SLC4A10: variants seen among roughly 807,000 people sequenced by gnomAD.
The protein encoded by SLC4A10 is sodium-driven chloride bicarbonate exchanger.
A neutral mutation model predicts 137.7 loss-of-function variants in SLC4A10; 42 were observed. The ratio of observed to expected loss-of-function variants is 0.30; its 90% CI spans 0.24 to 0.39. The LOEUF is 0.39. SLC4A10 is among the 10% of genes least tolerant of loss of function. The pLI, the probability that SLC4A10 is intolerant of heterozygous loss-of-function variation, is 1.00. For synonymous variants in SLC4A10, 474 were observed against 464.1 expected, an observed-to-expected ratio of 1.02 and a Z score of -0.27; for missense variants, 925 against 1,355.0, an observed-to-expected ratio of 0.68 and a Z score of 4.98.
chr2:161,911,711 C>G (rs1685898157), intron 15 of SLC4A10, among the ~76,000 whole-genome samples: 1 of 152,086 alleles, frequency 6.6e-6, no homozygotes, highest in Non-Finnish European at 1.5e-5. Context: ...TATGTACCTA[C>G]TGTACCTAGC....
At chr2:161,760,414 T>G (rs914714285) in intron 1 of SLC4A10, among the ~76,000 whole-genome samples, 2 of 152,054 alleles carry the variant, frequency 1.3e-5, no homozygotes, top group Non-Finnish European at 2.9e-5. Flanking sequence ...TTCTACTTTT[T>G]TACATCAGGA....
At chr2:161,879,655 A>T (rs1379096452) in intron 9 of SLC4A10, among the ~76,000 whole-genome samples, 1 of 150,954 alleles carries the variant, frequency 6.6e-6, no homozygotes, top group Non-Finnish European at 1.5e-5. Context: ...GATCCTGTGC[A>T]TGAGTGCGGT....
intron 3 of SLC4A10, among the ~76,000 whole-genome samples, chr2:161,829,540 T>C (rs1241610907): frequency 6.6e-6 from 1 of 152,226 alleles, no homozygotes; most frequent in African/African-American, 2.4e-5. Context: ...TGGATTCTCA[T>C]GAATCTCAAT....
In SLC4A10 at chr2:161,788,236, A is replaced by C. The variant is rs182200725; in HGVS notation, c.131-16213A>C. On this transcript the variant is annotated intron_variant, in intron 2 of 26. Transcript: ENST00000446997. ...TTCTCAAATGCTGCTTGTTGTAGAC[A>C]TGTATTGGGCATATGAGCCAACACA... Among the ~76,000 whole-genome samples, 6 of 151,470 alleles carry C rather than the reference A, an allele frequency of 4.0e-5. No homozygotes were observed. In the East Asian group the frequency reaches 1.2e-3, roughly 30 times the overall value.
rs1694052127 is a variant in SLC4A10 at position 161,947,550 on chromosome 2, T to C, written c.2104-16T>C. 1 of 1,605,892 alleles carries C rather than the reference T, an allele frequency of 6.2e-7. No individual in the cohort carries two copies. Among genetic ancestry groups the C allele is most frequent in the Admixed American group, 1.7e-5 (1 of 58,496 alleles). Reference sequence around the variant, plus strand: ...TTTTTTCTTAGTAGCTCCATTTGTTTTACTTCCTCTGGCAGGAATGCAAAT... The same window carrying C: ...TTTTTTCTTAGTAGCTCCATTTGTTCTACTTCCTCTGGCAGGAATGCAAAT... On this transcript the variant is annotated splice_polypyrimidine_tract_variant and intron_variant, in intron 16 of 26. Coordinates refer to ENST00000446997, the MANE Select transcript of SLC4A10 (RefSeq NM_001178015.2).
chr2:161,891,164 A>G (rs960468989), intron 10 of SLC4A10, among the ~76,000 whole-genome samples: 9 of 152,082 alleles, frequency 5.9e-5, no homozygotes, highest in African/African-American at 2.2e-4. Flanking sequence ...AGAGAGATCC[A>G]CTGTTAGTCT....
intron 2 of SLC4A10, among the ~76,000 whole-genome samples, chr2:161,790,528 G>A (rs1021988334): frequency 2.0e-5 from 3 of 152,128 alleles, no homozygotes; most frequent in African/African-American, 7.2e-5. Flanking sequence ...AATAACCAGT[G>A]GAGTTAATTA....
chr2:161,907,143 A>G (rs1417421871), intron 15 of SLC4A10, among the ~76,000 whole-genome samples: 1 of 151,638 alleles, frequency 6.6e-6, no homozygotes, highest in Non-Finnish European at 1.5e-5. Context: ...CTTTTATATT[A>G]TATTTAGAGA....
intron 3 of SLC4A10, among the ~76,000 whole-genome samples, chr2:161,837,227 T>A (rs1429410378): frequency 6.6e-6 from 1 of 152,024 alleles, no homozygotes; most frequent in African/African-American, 2.4e-5. Flanking sequence ...TACAAAAAAA[T>A]TAGAAATAAT....
chr2:161,652,935 G>A (rs2037010203), intron 1 of SLC4A10, among the ~76,000 whole-genome samples: 1 of 151,922 alleles, frequency 6.6e-6, no homozygotes, highest in African/African-American at 2.4e-5. Context: ...ACGTGCCATG[G>A]TGGTTTGCTG....
At chr2:161,778,810 T>C (rs184611140) in intron 2 of SLC4A10, among the ~76,000 whole-genome samples, 260 of 152,102 alleles carry the variant, frequency 1.7e-3, no homozygotes, top group Non-Finnish European at 3.4e-3. Context: ...ATTAAAATCT[T>C]TTAAGTCAAA....
At chr2:161,657,456 A>G (rs1294026146) in intron 1 of SLC4A10, among the ~76,000 whole-genome samples, 3 of 152,062 alleles carry the variant, frequency 2.0e-5, no homozygotes, top group Admixed American at 6.5e-5. Flanking sequence ...TTAGTTGAGT[A>G]AAGTTATTAT....
At chr2:161,722,960 C>A (rs770892602) in intron 1 of SLC4A10, among the ~76,000 whole-genome samples, 1 of 152,160 alleles carries the variant, frequency 6.6e-6, no homozygotes, top group South Asian at 2.1e-4. Context: ...CACAATCTGC[C>A]GCAGCTGCTG....
Position 161,839,772 on chromosome 2 carries a change from TG to T in SLC4A10, c.278-16del. 3.7e-6 allele frequency: 6 copies of T among 1,613,250 alleles called. No individual in the cohort carries two copies. The highest frequency in any genetic ancestry group is 5.1e-6 in the Non-Finnish European group (6 of 1,179,430). On this transcript the variant is annotated splice_polypyrimidine_tract_variant and intron_variant, in intron 3 of 26. Coordinates refer to ENST00000446997, the MANE Select transcript of SLC4A10 (RefSeq NM_001178015.2). The stretch of plus-strand genomic sequence containing the variant: ...GGTAATACATGTTCATGGTAATACA[TG>T]TCTCTGATTTTTTAGACACCCCATC...
At chr2:161,835,690 C>G (rs1227921) in intron 3 of SLC4A10, among the ~76,000 whole-genome samples, 101,333 of 152,070 alleles carry the variant, frequency 0.67, 34,140 homozygotes, top group East Asian at 0.98. Context: ...CATGGACTAA[C>G]GTTTTTATGG....
chr2:161,694,919 C>A (rs2042338874), intron 1 of SLC4A10, among the ~76,000 whole-genome samples: 1 of 151,614 alleles, frequency 6.6e-6, no homozygotes, highest in Non-Finnish European at 1.5e-5. Context: ...TTTTTTATAT[C>A]TTTGTGTCCC....
chr2:161,635,550 G>T lies in SLC4A10; in HGVS notation c.48+10984G>T, dbSNP rs961420034. ...GTAGTCATTGCTTTGATTGTGCTTT[G>T]TCTTCAGGATCATTCTGGTAAAGCC... On this transcript the variant is annotated intron_variant, in intron 1 of 26. Coordinates refer to ENST00000446997, the MANE Select transcript of SLC4A10 (RefSeq NM_001178015.2). Among the ~76,000 whole-genome samples, 3 of 152,160 alleles carry T rather than the reference G, an allele frequency of 2.0e-5. No individual in the cohort carries two copies. The East Asian group carries it at 5.8e-4, about 29-fold the overall frequency.
chr2:161,832,730 G>GTTGTT (rs376475995), intron 3 of SLC4A10, among the ~76,000 whole-genome samples: 2,094 of 147,638 alleles, frequency 0.014, 16 homozygotes, highest in Middle Eastern at 0.021. Context: ...TTTTGTTGTT[G>GTTGTT]TTGTTTTGTT....
chr2:161,924,461 G>T (rs1208381485), intron 15 of SLC4A10, among the ~76,000 whole-genome samples: 1 of 151,838 alleles, frequency 6.6e-6, no homozygotes, highest in African/African-American at 2.4e-5. Flanking sequence ...AACAATATTT[G>T]CTTGGGTATA....
Sources: allele counts gnomAD v4.1 joint callset (sites outside exome capture counted in the v4.1 genomes callset), GRCh38; gene constraint gnomAD v4.1.1; transcripts MANE v1.5; gene names NCBI Gene and HGNC (gene_info 2026-07-23, HGNC 2026-07-21).